The following PSMA8 variants were observed in gnomAD, a reference collection of about 807,000 sequenced individuals.
The protein encoded by PSMA8 is proteasome subunit alpha-type 8.
A neutral mutation model predicts 32.4 loss-of-function variants in PSMA8; 18 were observed. That is an observed-to-expected ratio of 0.56 (90% CI 0.38 to 0.82). The LOEUF is 0.82. Among genes scored for constraint, PSMA8 ranks in the 40% least tolerant of loss-of-function variants. PSMA8 has a pLI of 0.00. For synonymous variants in PSMA8, 104 were observed against 98.1 expected (o/e 1.06, Z -0.36); for missense variants, 298 against 300.7 (o/e 0.99, Z 0.07).
chr18:26,163,213 G>GTGTATA (rs1420987062), intron 4 of PSMA8, among the ~76,000 whole-genome samples: 76 of 80,844 alleles, frequency 9.4e-4, no homozygotes, highest in Admixed American at 2.0e-3. Flanking sequence ...ATGTGTGTGT[G>GTGTATA]TATATATATA....
At chr18:26,174,250 A>G (rs1263694749) in intron 4 of PSMA8, among the ~76,000 whole-genome samples, 2 of 152,230 alleles carry the variant, frequency 1.3e-5, no homozygotes, top group Non-Finnish European at 2.9e-5. Context: ...TTTTATAGAC[A>G]TTTAGTGGCA....
At chr18:26,190,260 A>G (rs2055391133) in intron 6 of PSMA8, among the ~76,000 whole-genome samples, 2 of 152,174 alleles carry the variant, frequency 1.3e-5, no homozygotes, top group Admixed American at 1.3e-4. Context: ...TAACAATTTA[A>G]TTGTACATTT....
intron 2 of PSMA8, among the ~76,000 whole-genome samples, chr18:26,148,729 G>C (rs1214849665): frequency 6.6e-6 from 1 of 152,178 alleles, no homozygotes; most frequent in Non-Finnish European, 1.5e-5. Flanking sequence ...AATCATCTCT[G>C]TTCACAGAAG....
At chr18:26,151,388 C>T (rs1449737671) in intron 2 of PSMA8, among the ~76,000 whole-genome samples, 1 of 152,184 alleles carries the variant, frequency 6.6e-6, no homozygotes, top group Non-Finnish European at 1.5e-5. Context: ...ATTCTGTCTC[C>T]TTACAGAAGT....
At chr18:26,141,853 T>C (rs1203958297) in intron 1 of PSMA8, among the ~76,000 whole-genome samples, 1 of 151,094 alleles carries the variant, frequency 6.6e-6, no homozygotes, top group East Asian at 1.9e-4. Context: ...GCTCGGCTAA[T>C]TTTTTTATAT....
chr18:26,154,832 G>A (rs1338182822), intron 3 of PSMA8, among the ~76,000 whole-genome samples: 1 of 152,040 alleles, frequency 6.6e-6, no homozygotes, highest in Non-Finnish European at 1.5e-5. Context: ...GGCCAGGATG[G>A]TCTCGATTTC....
chr18:26,142,037 ATTT>A (rs71169819), intron 1 of PSMA8, among the ~76,000 whole-genome samples: 2 of 117,592 alleles, frequency 1.7e-5, no homozygotes, highest in Non-Finnish European at 3.4e-5. Context: ...AATAATGCTA[ATTT>A]TTTTTTTTTT....
chr18:26,134,941 C>A, intron 1 of PSMA8, among the ~76,000 whole-genome samples: 1 of 149,504 alleles, frequency 6.7e-6, no homozygotes, highest in Non-Finnish European at 1.5e-5. Context: ...GCAACAAAAG[C>A]GAAACTCCGT....
chr18:26,184,297 A>T (rs915660770), intron 6 of PSMA8, among the ~76,000 whole-genome samples: 2 of 150,858 alleles, frequency 1.3e-5, no homozygotes, highest in African/African-American at 2.5e-5. Context: ...TGAAAAATTT[A>T]AAAAGAACGT....
intron 6 of PSMA8, among the ~76,000 whole-genome samples, chr18:26,180,080 G>T (rs754552295): frequency 1.3e-5 from 2 of 151,850 alleles, no homozygotes; most frequent in African/African-American, 4.8e-5. Context: ...GTGAAACCCC[G>T]TCTCTACTAA....
At chr18:26,152,465 T>C (rs1001476944) in intron 3 of PSMA8, among the ~76,000 whole-genome samples, 2 of 151,996 alleles carry the variant, frequency 1.3e-5, no homozygotes, top group African/African-American at 2.4e-5. Context: ...GCTGTGACCA[T>C]AGGCATAAGC....
rs1210667173 is a variant in PSMA8 at position 26,133,943 on chromosome 18, G to C, written c.-23G>C. On this transcript the variant is annotated 5_prime_UTR_variant, in exon 1 of 7. Transcript: ENST00000415576. ...AGCTGCAGCAGCGGGAAGCTCGGTGGCAAGCCCTTGTAGTCCTGTGCGATG... is the reference window on the plus strand; with the variant it reads ...AGCTGCAGCAGCGGGAAGCTCGGTGCCAAGCCCTTGTAGTCCTGTGCGATG... 3.1e-6 allele frequency: 5 copies of C among 1,596,244 alleles called. No individual in the cohort carries two copies. The highest frequency in any genetic ancestry group is 4.3e-6 in the Non-Finnish European group (5 of 1,164,700).
At chr18:26,167,292 T>C (rs1164301469) in intron 4 of PSMA8, among the ~76,000 whole-genome samples, 2 of 152,222 alleles carry the variant, frequency 1.3e-5, no homozygotes, top group African/African-American at 4.8e-5. Context: ...TCAGCCATAA[T>C]AACATATTGC....
intron 4 of PSMA8, among the ~76,000 whole-genome samples, chr18:26,178,222 G>T (rs1235157794): frequency 1.3e-5 from 2 of 150,354 alleles, no homozygotes; most frequent in Non-Finnish European, 3.0e-5. Context: ...TGTTTCAAAA[G>T]AATATATAAA....
chr18:26,163,617 A>T lies in PSMA8; in HGVS notation c.477+5373A>T, dbSNP rs182654667. 4.9e-4 allele frequency among the ~76,000 whole-genome samples: 74 copies of T among 152,334 alleles called. No individual in the cohort carries two copies. In the East Asian group the frequency reaches 0.013, roughly 27 times the overall value. On this transcript the variant is annotated intron_variant, in intron 4 of 6. Coordinates refer to ENST00000415576, the MANE Select transcript of PSMA8 (RefSeq NM_001025096.2). The stretch of plus-strand genomic sequence containing the variant: ...CGTGACTACGCTACAGCAAGTCAAC[A>T]AGAAATACAGTGGTAAGAAATGAAG...
chr18:26,165,933 T>TA (rs569426834), intron 4 of PSMA8, among the ~76,000 whole-genome samples: 497 of 147,414 alleles, frequency 3.4e-3, no homozygotes, highest in East Asian at 5.1e-3. Context: ...CCATCTCTAC[T>TA]AAAAAAAAAA....
At chr18:26,162,769 G>A (rs1052166580) in intron 4 of PSMA8, among the ~76,000 whole-genome samples, 2 of 152,114 alleles carry the variant, frequency 1.3e-5, no homozygotes, top group African/African-American at 4.8e-5. Flanking sequence ...AGGAGGCTGA[G>A]GCAGGAGAAT....
chr18:26,145,610 G>T (rs193257023), intron 2 of PSMA8, among the ~76,000 whole-genome samples: 1 of 152,240 alleles, frequency 6.6e-6, no homozygotes, highest in East Asian at 1.9e-4. Context: ...TATGGATAAA[G>T]TTATATAATA....
chr18:26,134,651 C>T (rs2054896769), intron 1 of PSMA8, among the ~76,000 whole-genome samples: 1 of 152,074 alleles, frequency 6.6e-6, no homozygotes, highest in African/African-American at 2.4e-5. Context: ...TTCAAACACA[C>T]GCGTTAAAAA....
Sources: allele counts gnomAD v4.1 joint callset (sites outside exome capture counted in the v4.1 genomes callset), GRCh38; gene constraint gnomAD v4.1.1; transcripts MANE v1.5; gene names NCBI Gene and HGNC (gene_info 2026-07-23, HGNC 2026-07-21).